RGS7: variants seen among roughly 807,000 people sequenced by gnomAD.
RGS7 encodes regulator of G protein signaling 7.
A neutral mutation model predicts 81.1 loss-of-function variants in RGS7; 27 were observed. The observed-to-expected ratio is 0.33, with a 90% CI of 0.25 to 0.46. The LOEUF (loss-of-function observed/expected upper bound fraction) is 0.46, where lower values mean the gene tolerates loss of function less well. Among genes scored for constraint, RGS7 ranks in the 20% least tolerant of loss-of-function variants. The pLI is 1.00. For synonymous variants in RGS7, 208 were observed against 207.7 expected (o/e 1.00, Z -0.01); for missense variants, 396 against 607.4 (o/e 0.65, Z 3.66).
intron 6 of RGS7, among the ~76,000 whole-genome samples, chr1:240,929,389 G>A (rs1035659097): frequency 1.3e-5 from 2 of 152,176 alleles, no homozygotes; most frequent in East Asian, 3.9e-4. Flanking sequence ...TTTGAGGAAT[G>A]TGTGCCCTGG....
chr1:241,354,770 A>T (rs2083455172), intron 2 of RGS7, among the ~76,000 whole-genome samples: 1 of 152,218 alleles, frequency 6.6e-6, no homozygotes, highest in Admixed American at 6.5e-5. Flanking sequence ...GTTTCAAAGC[A>T]TGACTTCCTT....
At chr1:240,880,804 T>C (rs745456212) in intron 6 of RGS7, among the ~76,000 whole-genome samples, 3 of 152,328 alleles carry the variant, frequency 2.0e-5, no homozygotes, top group Middle Eastern at 6.8e-3. Context: ...CTAAATTTTA[T>C]TGATTCCAGA....
intron 2 of RGS7, among the ~76,000 whole-genome samples, chr1:241,341,066 T>G (rs546821506): frequency 6.6e-6 from 1 of 152,348 alleles, no homozygotes; most frequent in South Asian, 2.1e-4. Flanking sequence ...TATTTTTGTG[T>G]GATCCTGATT....
chr1:240,928,030 G>GA (rs1488205413), intron 6 of RGS7, among the ~76,000 whole-genome samples: 1 of 152,150 alleles, frequency 6.6e-6, no homozygotes, highest in Non-Finnish European at 1.5e-5. Flanking sequence ...TCTCTATGTA[G>GA]AAACACTTAT....
At chr1:241,239,718 C>T (rs150535712) in intron 2 of RGS7, among the ~76,000 whole-genome samples, 5 of 152,266 alleles carry the variant, frequency 3.3e-5, no homozygotes, top group East Asian at 1.9e-4. Flanking sequence ...CAGCAGCAAA[C>T]GGGACATGTC....
intron 2 of RGS7, among the ~76,000 whole-genome samples, chr1:241,276,097 A>G (rs897698715): frequency 3.9e-5 from 6 of 152,196 alleles, no homozygotes; most frequent in African/African-American, 1.4e-4. Flanking sequence ...GCCTCCTATT[A>G]AAGCTTTTTT....
chr1:241,108,290 G>T (rs1237608998), intron 2 of RGS7, among the ~76,000 whole-genome samples: 1 of 129,224 alleles, frequency 7.7e-6, no homozygotes, highest in African/African-American at 3.0e-5. Flanking sequence ...GCGACAGAGC[G>T]AGACTCCGTC....
intron 2 of RGS7, among the ~76,000 whole-genome samples, chr1:241,292,490 C>T (rs188463809): frequency 2.6e-5 from 4 of 152,188 alleles, no homozygotes; most frequent in African/African-American, 4.8e-5. Context: ...GGAGAAGATC[C>T]CTGGTAGCAG....
At position 240,868,819 on chromosome 1, in the gene RGS7, G is replaced by A. The variant is rs750946518; in HGVS notation, c.484C>T (p.Arg162Trp). 5 of 1,613,840 alleles carry A rather than the reference G, an allele frequency of 3.1e-6. No individual in the cohort carries two copies. The highest frequency in any genetic ancestry group is 2.2e-5 in the East Asian group (1 of 44,840). ...SLARLQRAFA[R>W]KWEFIFMQAE... Reference sequence around the variant, plus strand: ...TGCATGAAAATGAACTCCCACTTCCGGGCAAATGCTCTCTGCAGCCTGGCC... The same window carrying A: ...TGCATGAAAATGAACTCCCACTTCCAGGCAAATGCTCTCTGCAGCCTGGCC... The change falls in exon 8 of 19, where the codon CGG becomes TGG. Residue 162 changes from arginine to tryptophan, a missense_variant. By Grantham distance (101) the Arg-to-Trp change is moderately radical. Coordinates refer to ENST00000440928, the MANE Select transcript of RGS7 (RefSeq NM_001364886.1). The surrounding 1 kb of genome is among the most constrained non-coding windows in gnomAD (Gnocchi z 5.1).
chr1:241,073,420 A>G (rs987919250), intron 3 of RGS7, among the ~76,000 whole-genome samples: 1 of 152,228 alleles, frequency 6.6e-6, no homozygotes, highest in Non-Finnish European at 1.5e-5. Context: ...GTGCTCAAAA[A>G]AAAATCAGTA....
chr1:241,043,730 C>T (rs1028954932), intron 3 of RGS7, among the ~76,000 whole-genome samples: 1 of 150,658 alleles, frequency 6.6e-6, no homozygotes, highest in African/African-American at 2.4e-5. Context: ...AATATAAATA[C>T]AAAAACCCAG....
At chr1:240,880,319 G>T (rs1432385044) in intron 6 of RGS7, among the ~76,000 whole-genome samples, 1 of 152,240 alleles carries the variant, frequency 6.6e-6, no homozygotes, top group Admixed American at 6.5e-5. Context: ...TGGGATTCAG[G>T]CGTGGGCCAT....
intron 6 of RGS7, among the ~76,000 whole-genome samples, chr1:240,880,144 T>G (rs1021305286): frequency 2.0e-5 from 3 of 152,226 alleles, no homozygotes; most frequent in Admixed American, 2.0e-4. Context: ...TGGGCTTAAG[T>G]AATCCTCCTG....
At chr1:240,804,705 A>T (rs1688564416) in intron 15 of RGS7, among the ~76,000 whole-genome samples, 1 of 152,214 alleles carries the variant, frequency 6.6e-6, no homozygotes, top group Admixed American at 6.5e-5. Flanking sequence ...TGAAAGAAAG[A>T]AAAATCAGCA....
intron 4 of RGS7, among the ~76,000 whole-genome samples, chr1:240,962,651 T>A (rs1358489893): frequency 1.3e-5 from 2 of 152,246 alleles, no homozygotes; most frequent in East Asian, 3.9e-4. Flanking sequence ...TGGAAAAACA[T>A]TAAAGGAAGA....
intron 3 of RGS7, among the ~76,000 whole-genome samples, chr1:241,094,297 C>A (rs1156694389): frequency 6.6e-6 from 1 of 150,922 alleles, no homozygotes; most frequent in African/African-American, 2.5e-5. Flanking sequence ...ACACACTTCA[C>A]CAAAGTTCTG....
intron 2 of RGS7, among the ~76,000 whole-genome samples, chr1:241,256,685 G>A (rs938982806): frequency 2.0e-5 from 3 of 152,076 alleles, no homozygotes; most frequent in Admixed American, 6.6e-5. Context: ...GTGTCTTCAC[G>A]TGGTGGAGAG....
At position 241,221,889 on chromosome 1, in the gene RGS7, T is replaced by TTC. The variant is rs113169736; in HGVS notation, c.79-123129_79-123128dup. Among the ~76,000 whole-genome samples the TTC allele has an allele frequency of 6.3e-3, 942 of 150,658 alleles. 17 individuals carry two copies. Among genetic ancestry groups the TTC allele is most frequent in the African/African-American group, 0.022 (907 of 41,258 alleles). On this transcript the variant is annotated intron_variant, in intron 2 of 18. Coordinates refer to ENST00000440928, the MANE Select transcript of RGS7 (RefSeq NM_001364886.1). ...TCCTTAAAATAAATCTTTCTTTCCT[T>TTC]TCTCTCTCTCTCTCTCTTTATACAC...
chr1:240,891,244 A>C (rs1273112243), intron 6 of RGS7, among the ~76,000 whole-genome samples: 1 of 152,204 alleles, frequency 6.6e-6, no homozygotes, highest in Admixed American at 6.5e-5. Context: ...TCAATGTAAA[A>C]GCTTTCTGAA....
Sources: gnomAD v4.1 joint callset for allele counts (sites outside exome capture counted in the v4.1 genomes callset) on GRCh38, gnomAD v4.1.1 for gene constraint, Gnocchi (gnomAD v3.1) non-coding constraint, MANE v1.5 for transcripts, NCBI Gene and HGNC (gene_info 2026-07-23, HGNC 2026-07-21) for gene names.